GRIK1: variants seen among roughly 807,000 people sequenced by gnomAD.
The protein encoded by GRIK1 is glutamate receptor ionotropic, kainate 1.
In GRIK1, 69 loss-of-function variants were observed where a neutral mutation model predicts 105.7. The observed-to-expected ratio is 0.65, with a 90% CI of 0.54 to 0.80. GRIK1 has a LOEUF of 0.80. Ranked by LOEUF, GRIK1 falls within the 30% of genes least tolerant of loss-of-function variation. The pLI is 0.00. For missense variants in GRIK1, 1,109 were observed against 1,167.3 expected (o/e 0.95, Z 0.73); for synonymous variants, 438 against 431.3 (o/e 1.02, Z -0.19).
At chr21:29,794,979 C>T (rs1283718841) in intron 1 of GRIK1, among the ~76,000 whole-genome samples, 1 of 150,680 alleles carries the variant, frequency 6.6e-6, no homozygotes, top group Admixed American at 6.6e-5. Context: ...GTAAGGTCAC[C>T]CTGGCTGTCA....
chr21:29,626,365 T>C (rs546841359), intron 7 of GRIK1, among the ~76,000 whole-genome samples: 137 of 152,260 alleles, frequency 9.0e-4, no homozygotes, highest in African/African-American at 3.2e-3. Flanking sequence ...CGCTGTTGCA[T>C]TGGGGATTAA....
chr21:29,717,275 C>A (rs576166919), intron 1 of GRIK1, among the ~76,000 whole-genome samples: 2 of 152,294 alleles, frequency 1.3e-5, no homozygotes, highest in South Asian at 4.1e-4. Flanking sequence ...ACACAGAGTC[C>A]CCACTGTAGC....
At chr21:29,872,919 A>G (rs1429826943) in intron 1 of GRIK1, among the ~76,000 whole-genome samples, 1 of 152,164 alleles carries the variant, frequency 6.6e-6, no homozygotes, top group Non-Finnish European at 1.5e-5. Context: ...ATCAAACCCA[A>G]TATATTTGTG....
intron 1 of GRIK1, among the ~76,000 whole-genome samples, chr21:29,712,083 T>TACCCACAC (rs1555876680): frequency 7.4e-6 from 1 of 135,370 alleles, no homozygotes; most frequent in East Asian, 2.2e-4. Flanking sequence ...TATACATACA[T>TACCCACAC]ACACACACAC....
intron 14 of GRIK1, among the ~76,000 whole-genome samples, chr21:29,565,194 A>T (rs137972701): frequency 1.1e-4 from 16 of 152,362 alleles, no homozygotes; most frequent in African/African-American, 2.6e-4. Flanking sequence ...GCACAGTAAT[A>T]GTAAACATAA....
intron 1 of GRIK1, among the ~76,000 whole-genome samples, chr21:29,708,326 C>G (rs2063965507): frequency 6.6e-6 from 1 of 152,126 alleles, no homozygotes. Flanking sequence ...CCTGAGATAT[C>G]ATTACTTTCT....
chr21:29,616,698 C>G (rs2061858520), intron 7 of GRIK1, among the ~76,000 whole-genome samples: 1 of 152,122 alleles, frequency 6.6e-6, no homozygotes, highest in Non-Finnish European at 1.5e-5. Flanking sequence ...ATGAAACCGC[C>G]TCAAAACTAC....
At chr21:29,692,730 C>A (rs934351247) in intron 2 of GRIK1, among the ~76,000 whole-genome samples, 2 of 152,074 alleles carry the variant, frequency 1.3e-5, no homozygotes, top group African/African-American at 4.8e-5. Flanking sequence ...TGCCACCATG[C>A]CCGGCTACTT....
intron 1 of GRIK1, among the ~76,000 whole-genome samples, chr21:29,930,314 A>T (rs191729973): frequency 3.9e-5 from 6 of 152,330 alleles, no homozygotes; most frequent in Admixed American, 2.0e-4. Context: ...TCAGAATGCA[A>T]CATCTGTTTA....
chr21:29,761,391 T>C (rs992210702), intron 1 of GRIK1: 2 of 152,256 alleles, frequency 1.3e-5, no homozygotes, highest in African/African-American at 4.8e-5. Context: ...AGAAAGTGAA[T>C]GCAGCAAAAT....
intron 1 of GRIK1, among the ~76,000 whole-genome samples, chr21:29,831,014 T>A (rs570020819): frequency 1.3e-5 from 2 of 152,300 alleles, no homozygotes; most frequent in South Asian, 4.1e-4. Context: ...CTTGTCTATA[T>A]GGACATTTTA....
At chr21:29,553,566 G>T (rs1246294860) in intron 16 of GRIK1, 10 of 1,579,648 alleles carry the variant, frequency 6.3e-6, no homozygotes, top group Non-Finnish European at 8.6e-6. Flanking sequence ...TACACAGTAT[G>T]AACTGAGGAC....
chr21:29,593,129 A>ATTTTAATTTCAGTTTTAATTTCAG (rs2061356425), intron 9 of GRIK1, among the ~76,000 whole-genome samples: 1 of 152,234 alleles, frequency 6.6e-6, no homozygotes, highest in African/African-American at 2.4e-5. Flanking sequence ...AGTGTGAACT[A>ATTTTAATTTCAGTTTTAATTTCAG]TTTTAATTTC....
At chr21:29,901,541 C>T (rs2070408347) in intron 1 of GRIK1, among the ~76,000 whole-genome samples, 2 of 151,102 alleles carry the variant, frequency 1.3e-5, no homozygotes, top group Non-Finnish European at 2.9e-5. Flanking sequence ...ACCAGAAAAT[C>T]TAGAAGAAGT....
intron 1 of GRIK1, among the ~76,000 whole-genome samples, chr21:29,695,096 G>T (rs2063669617): frequency 6.6e-6 from 1 of 152,080 alleles, no homozygotes; most frequent in African/African-American, 2.4e-5. Context: ...GGTAGGCTCT[G>T]GTGTCTTAAA....
At chr21:29,752,073 C>T (rs1345436118) in intron 1 of GRIK1, among the ~76,000 whole-genome samples, 2 of 152,222 alleles carry the variant, frequency 1.3e-5, no homozygotes, top group East Asian at 3.8e-4. Context: ...AGAGCTAGGG[C>T]TCTTCTGAGA....
intron 4 of GRIK1, among the ~76,000 whole-genome samples, chr21:29,669,530 C>T (rs149387184): frequency 2.8e-4 from 43 of 152,248 alleles, no homozygotes; most frequent in Non-Finnish European, 5.6e-4. Context: ...TGCTTGGGGG[C>T]CCTTCAGAGT....
At chr21:29,847,980 G>T (rs1340597902) in intron 1 of GRIK1, among the ~76,000 whole-genome samples, 2 of 150,918 alleles carry the variant, frequency 1.3e-5, no homozygotes, top group African/African-American at 4.9e-5. Context: ...ATTCACCATT[G>T]CTTTACTTAG....
chr21:29,895,286 T>A lies in GRIK1; in HGVS notation c.118+44097A>T, dbSNP rs543266898. Among the ~76,000 whole-genome samples, 185 of 152,260 alleles carry A rather than the reference T, an allele frequency of 1.2e-3. 1 individual carries two copies. Among genetic ancestry groups the A allele is most frequent in the African/African-American group, 4.4e-3 (182 of 41,564 alleles). On this transcript the variant is annotated intron_variant, in intron 1 of 17. Coordinates refer to ENST00000327783, the MANE Select transcript of GRIK1 (RefSeq NM_001330994.2). ...GAGAATGAGTGTATTTCTGGGCATG[T>A]CTAGTTCAACGAACCTGCGGATCAA...
Sources: allele counts gnomAD v4.1 joint callset (sites outside exome capture counted in the v4.1 genomes callset), GRCh38; gene constraint gnomAD v4.1.1; transcripts MANE v1.5; gene names NCBI Gene and HGNC (gene_info 2026-07-23, HGNC 2026-07-21).